The following HPF1 variants were observed in gnomAD, a reference collection of about 807,000 sequenced individuals.
HPF1 encodes histone PARylation factor 1.
A neutral mutation model predicts 38.8 loss-of-function variants in HPF1; 35 were observed. That is an observed-to-expected ratio of 0.90 (90% CI 0.69 to 1.19). The LOEUF is 1.19. HPF1 is among the 50% of genes most tolerant of loss of function. The probability of loss-of-function intolerance (pLI) is 0.00; values close to 1 mark genes in which losing one functional copy is unlikely to be tolerated. For synonymous variants in HPF1, 115 were observed against 139.2 expected, an observed-to-expected ratio of 0.83 and a Z score of 1.22; for missense variants, 367 against 405.8, an observed-to-expected ratio of 0.90 and a Z score of 0.82.
chr4:169,734,198 C>A (rs552620214), intron 6 of HPF1, among the ~76,000 whole-genome samples: 2 of 152,286 alleles, frequency 1.3e-5, no homozygotes, highest in Admixed American at 1.3e-4. Flanking sequence ...ACATTCCTTT[C>A]TTCAGAAAAA....
At chr4:169,738,326 A>G (rs1203762352) in intron 5 of HPF1, among the ~76,000 whole-genome samples, 1 of 152,218 alleles carries the variant, frequency 6.6e-6, no homozygotes, top group East Asian at 1.9e-4. Context: ...ATTAAGTGGT[A>G]GTCTTCAAAG....
intron 2 of HPF1, 120 bp downstream of exon 2, chr4:169,753,556 C>A: frequency 1.2e-6 from 1 of 835,550 alleles, no homozygotes; most frequent in Non-Finnish European, 1.9e-6. Context: ...TCTCAAACTC[C>A]TGGCCTCAGG....
At position 169,754,772 on chromosome 4, in the gene HPF1, C is replaced by T. The variant is rs72698204; in HGVS notation, c.49-937G>A. On this transcript the variant is annotated intron_variant, in intron 1 of 7. Transcript: ENST00000393381. Reference sequence around the variant, plus strand: ...TTTAGTTGTCACCAATTGGAAGAAACGGTGCTAGTGGGGCAGAGGCCAGGT... The same window carrying T: ...TTTAGTTGTCACCAATTGGAAGAAATGGTGCTAGTGGGGCAGAGGCCAGGT... Among the ~76,000 whole-genome samples, 832 of 152,204 alleles carry T rather than the reference C, an allele frequency of 5.5e-3. 9 individuals carry two copies. Among genetic ancestry groups the T allele is most frequent in the South Asian group, 0.047 (225 of 4,824 alleles).
At chr4:169,732,078 A>C in intron 6 of HPF1, 1 of 490,376 alleles carries the variant, frequency 2.0e-6, no homozygotes, top group Non-Finnish European at 3.6e-6. Flanking sequence ...AAGCTTAAAA[A>C]CAGGTTAACA....
chr4:169,745,962 A>T (rs1419255092), intron 4 of HPF1, among the ~76,000 whole-genome samples: 2 of 152,036 alleles, frequency 1.3e-5, no homozygotes, highest in Non-Finnish European at 2.9e-5. Context: ...TTTGACCTTA[A>T]GGGTCCCTGA....
intron 6 of HPF1, among the ~76,000 whole-genome samples, chr4:169,732,816 A>G (rs1483569566): frequency 6.6e-6 from 1 of 152,210 alleles, no homozygotes; most frequent in African/African-American, 2.4e-5. Context: ...ACAGTATAAC[A>G]ACTATTTACA....
chr4:169,737,592 C>T, intron 6 of HPF1, 68 bp downstream of exon 6: 2 of 1,006,084 alleles, frequency 2.0e-6, no homozygotes, highest in South Asian at 1.3e-5. Flanking sequence ...ACCTACTTCC[C>T]AATATAAGCA....
intron 1 of HPF1, 132 bp downstream of exon 1, chr4:169,757,698 C>G: frequency 2.2e-6 from 2 of 915,184 alleles, no homozygotes; most frequent in South Asian, 2.9e-5. Flanking sequence ...GGCAGGATCC[C>G]CGCAGCAAAC....
At chr4:169,737,053 CTGTAATGTCAAAGG>C (rs1200728587) in intron 6 of HPF1, among the ~76,000 whole-genome samples, 2 of 152,126 alleles carry the variant, frequency 1.3e-5, no homozygotes, top group Non-Finnish European at 2.9e-5. Context: ...TGCAAGTTGA[CTGTAATGTCAAAGG>C]TTCGGAAATA....
At chr4:169,747,170 G>A (rs1335801241) in intron 4 of HPF1, among the ~76,000 whole-genome samples, 1 of 149,550 alleles carries the variant, frequency 6.7e-6, no homozygotes, top group Non-Finnish European at 1.5e-5. Flanking sequence ...CTGCCCTCGT[G>A]GAACTTAACA....
intron 2 of HPF1, among the ~76,000 whole-genome samples, chr4:169,751,547 G>A (rs1215774635): frequency 6.6e-6 from 1 of 151,992 alleles, no homozygotes; most frequent in East Asian, 1.9e-4. Flanking sequence ...TCTATTCACG[G>A]ATCACAGACA....
At chr4:169,755,835 C>T (rs879755362) in intron 1 of HPF1, among the ~76,000 whole-genome samples, 1 of 152,122 alleles carries the variant, frequency 6.6e-6, no homozygotes, top group Non-Finnish European at 1.5e-5. Context: ...GAAGGCTGAA[C>T]GGATAGGAGA....
At chr4:169,755,471 T>C (rs925710231) in intron 1 of HPF1, among the ~76,000 whole-genome samples, 1 of 152,178 alleles carries the variant, frequency 6.6e-6, no homozygotes, top group African/African-American at 2.4e-5. Context: ...TTTGGGGATA[T>C]ATGGAAATTT....
intron 5 of HPF1, among the ~76,000 whole-genome samples, chr4:169,738,518 C>T (rs972701969): frequency 6.6e-6 from 1 of 152,138 alleles, no homozygotes; most frequent in African/African-American, 2.4e-5. Flanking sequence ...ACCCAAAAAC[C>T]AAACTCCAAT....
chr4:169,754,696 T>C (rs973548850), intron 1 of HPF1, among the ~76,000 whole-genome samples: 6 of 152,180 alleles, frequency 3.9e-5, no homozygotes, highest in Non-Finnish European at 7.4e-5. Flanking sequence ...CCTAGAGCAG[T>C]GGTTCTCAAC....
intron 4 of HPF1, among the ~76,000 whole-genome samples, chr4:169,744,110 T>C (rs777970303): frequency 6.6e-6 from 1 of 152,210 alleles, no homozygotes; most frequent in Non-Finnish European, 1.5e-5. Context: ...GATTTGATCA[T>C]GTCAGTCCTA....
chr4:169,741,923 T>C lies in HPF1; in HGVS notation c.648+34A>G, dbSNP rs372459252. The C allele has an allele frequency of 3.6e-5, 57 of 1,591,496 alleles. No individual in the cohort carries two copies. In the African/African-American group the frequency reaches 6.5e-4, roughly 18 times the overall value. On this transcript the variant is annotated intron_variant, in intron 5 of 7. Coordinates refer to ENST00000393381, the MANE Select transcript of HPF1 (RefSeq NM_017867.3). ...ATCAAGAGGGGAAAAAAATATGCTA[T>C]AGCAAAACAGAGACCAACAGGTTGA...
intron 5 of HPF1, among the ~76,000 whole-genome samples, chr4:169,741,744 G>A (rs1027938255): frequency 4.6e-5 from 7 of 152,120 alleles, no homozygotes; most frequent in East Asian, 3.9e-4. Context: ...CACCAGTTGC[G>A]CAATTCAATC....
chr4:169,734,817 G>C (rs71622355), intron 6 of HPF1, among the ~76,000 whole-genome samples: 2 of 152,210 alleles, frequency 1.3e-5, no homozygotes, highest in South Asian at 4.1e-4. Flanking sequence ...TTCTTACTTC[G>C]GATAGTAGTA....
Sources: allele counts gnomAD v4.1 joint callset (sites outside exome capture counted in the v4.1 genomes callset), GRCh38; gene constraint gnomAD v4.1.1; transcripts MANE v1.5; gene names NCBI Gene and HGNC (gene_info 2026-07-23, HGNC 2026-07-21).